AGBL4: variants seen among roughly 807,000 people sequenced by gnomAD.
AGBL4 encodes AGBL carboxypeptidase 4.
In AGBL4, 58 loss-of-function variants were observed where a neutral mutation model predicts 66.4. The observed-to-expected ratio is 0.87, with a 90% CI of 0.71 to 1.09. The LOEUF (loss-of-function observed/expected upper bound fraction) is 1.09. AGBL4 is among the 50% of genes least tolerant of loss of function. The pLI is 0.00. For missense variants in AGBL4, 579 were observed against 631.0 expected (o/e 0.92, Z 0.88); for synonymous variants, 234 against 222.9 (o/e 1.05, Z -0.44).
chr1:48,978,979 A>G (rs999079371), intron 5 of AGBL4, among the ~76,000 whole-genome samples: 11 of 152,178 alleles, frequency 7.2e-5, no homozygotes, highest in Non-Finnish European at 1.3e-4. Context: ...ATTGACAACA[A>G]ATCTGTGCCC....
chr1:49,502,367 A>C (rs1648247084), intron 3 of AGBL4, among the ~76,000 whole-genome samples: 1 of 151,982 alleles, frequency 6.6e-6, no homozygotes, highest in South Asian at 2.1e-4. Context: ...CATCTATCCT[A>C]TTAGTTCTGC....
chr1:49,619,548 A>G (rs1483221857), intron 3 of AGBL4, among the ~76,000 whole-genome samples: 1 of 152,170 alleles, frequency 6.6e-6, no homozygotes, highest in Non-Finnish European at 1.5e-5. Context: ...TAGTGCCCAA[A>G]GTAATTTATA....
intron 6 of AGBL4, among the ~76,000 whole-genome samples, chr1:48,808,213 A>G (rs1462828825): frequency 6.6e-6 from 1 of 152,194 alleles, no homozygotes; most frequent in Non-Finnish European, 1.5e-5. Context: ...TGGTAATGGT[A>G]TTGGCTGCTT....
At chr1:49,195,701 T>G (rs1647221259) in intron 4 of AGBL4, among the ~76,000 whole-genome samples, 1 of 152,208 alleles carries the variant, frequency 6.6e-6, no homozygotes, top group Non-Finnish European at 1.5e-5. Context: ...CTAAATCTCT[T>G]GCTAGACTAG....
At chr1:49,947,758 T>C (rs1039839134) in intron 1 of AGBL4, among the ~76,000 whole-genome samples, 1 of 150,104 alleles carries the variant, frequency 6.7e-6, no homozygotes, top group African/African-American at 2.5e-5. Context: ...AAACTGTCAC[T>C]ATTTACTGAT....
intron 5 of AGBL4, among the ~76,000 whole-genome samples, chr1:48,996,710 G>A (rs1432486482): frequency 2.6e-5 from 4 of 152,022 alleles, no homozygotes; most frequent in African/African-American, 9.7e-5. Flanking sequence ...TGGTGAGAAT[G>A]TGGAAAGGAT....
intron 3 of AGBL4, among the ~76,000 whole-genome samples, chr1:49,318,865 A>G (rs903090489): frequency 1.3e-5 from 2 of 152,074 alleles, no homozygotes; most frequent in Admixed American, 1.3e-4. Flanking sequence ...GCTTACAGAA[A>G]ATGAATTTTT....
rs146457218 is a variant in AGBL4, at chr1:49,785,184, G to GT, written c.157+66211dup. On this transcript the variant is annotated intron_variant, in intron 2 of 13. Transcript: ENST00000371839. ...CCAGTAGCTGGGGATGAGTGGGAAGGTGAGAGATAGACAGAACCTGACCAA... is the reference window on the plus strand; with the variant it reads ...CCAGTAGCTGGGGATGAGTGGGAAGGTTGAGAGATAGACAGAACCTGACCAA... Among the ~76,000 whole-genome samples, 866 of 152,142 alleles carry GT rather than the reference G, an allele frequency of 5.7e-3. 12 individuals are homozygous for GT. Among genetic ancestry groups the GT allele is most frequent in the African/African-American group, 0.02 (831 of 41,556 alleles).
At chr1:49,739,462 A>C (rs995041740) in intron 2 of AGBL4, among the ~76,000 whole-genome samples, 131 of 152,304 alleles carry the variant, frequency 8.6e-4, no homozygotes, top group Non-Finnish European at 1.6e-3. Flanking sequence ...GAGAATGGAA[A>C]CAAGTTGGAA....
chr1:48,714,676 A>C (rs1346199552), intron 6 of AGBL4, among the ~76,000 whole-genome samples: 1 of 151,710 alleles, frequency 6.6e-6, no homozygotes, highest in East Asian at 1.9e-4. Flanking sequence ...CTGGCTCAAC[A>C]CTCTTCAATG....
intron 5 of AGBL4, among the ~76,000 whole-genome samples, chr1:48,882,395 G>A (rs1354605414): frequency 1.3e-5 from 2 of 151,778 alleles, no homozygotes; most frequent in Non-Finnish European, 2.9e-5. Flanking sequence ...GCTTTACTAA[G>A]GTATAATTGA....
At chr1:49,112,026 CAT>C (rs753538655) in intron 4 of AGBL4, among the ~76,000 whole-genome samples, 18 of 152,156 alleles carry the variant, frequency 1.2e-4, no homozygotes, top group East Asian at 1.9e-4. Context: ...TTTCAAGTAA[CAT>C]AATGTAGTAG....
intron 3 of AGBL4, among the ~76,000 whole-genome samples, chr1:49,601,310 G>A (rs926613341): frequency 3.3e-5 from 5 of 151,862 alleles, no homozygotes; most frequent in African/African-American, 1.2e-4. Flanking sequence ...ATATTTCTTG[G>A]AGGCTTTGTT....
At chr1:49,765,690 A>G (rs1265230590) in intron 2 of AGBL4, among the ~76,000 whole-genome samples, 1 of 152,128 alleles carries the variant, frequency 6.6e-6, no homozygotes, top group Non-Finnish European at 1.5e-5. Flanking sequence ...TGAAAACACA[A>G]AAAAGCTTTG....
chr1:48,815,659 A>G (rs1646156128), intron 6 of AGBL4, among the ~76,000 whole-genome samples: 1 of 152,228 alleles, frequency 6.6e-6, no homozygotes, highest in Non-Finnish European at 1.5e-5. Context: ...CAGTATCTAT[A>G]GAGCACCTGG....
intron 4 of AGBL4, among the ~76,000 whole-genome samples, chr1:49,144,665 C>A (rs1053776672): frequency 1.3e-5 from 2 of 151,998 alleles, no homozygotes; most frequent in Non-Finnish European, 2.9e-5. Flanking sequence ...GAGACAGACC[C>A]AGAAATAGAC....
chr1:48,961,577 G>A (rs1038429127), intron 5 of AGBL4, among the ~76,000 whole-genome samples: 4 of 152,186 alleles, frequency 2.6e-5, no homozygotes, highest in African/African-American at 7.2e-5. Flanking sequence ...AAGCGGGAAG[G>A]TTGAGAAAAG....
intron 5 of AGBL4, among the ~76,000 whole-genome samples, chr1:49,031,828 C>T (rs1010109424): frequency 1.3e-5 from 2 of 152,062 alleles, no homozygotes; most frequent in Non-Finnish European, 2.9e-5. Flanking sequence ...GGTCCTTGTC[C>T]TCATGGAGTT....
rs371585378 is a variant in AGBL4, at chr1:49,232,311, T to C, written c.377+13459A>G. Among the ~76,000 whole-genome samples the C allele has an allele frequency of 3.4e-4, 51 of 152,204 alleles. 1 individual carries two copies. The South Asian group carries it at 9.8e-3, about 29-fold the overall frequency. On this transcript the variant is annotated intron_variant, in intron 4 of 13. Coordinates refer to ENST00000371839, the MANE Select transcript of AGBL4 (RefSeq NM_032785.4). ...CATCTGGTTGGCACATATGGAGAGA[T>C]TGCAAGATTATAAACCCTAAATTCA...
Sources: gnomAD v4.1 joint callset for allele counts (sites outside exome capture counted in the v4.1 genomes callset) on GRCh38, gnomAD v4.1.1 for gene constraint, MANE v1.5 for transcripts, NCBI Gene and HGNC (gene_info 2026-07-23, HGNC 2026-07-21) for gene names.